The following COL11A1 variants were observed in gnomAD, a reference collection of about 807,000 sequenced individuals.
COL11A1 encodes collagen type XI alpha 1 chain.
A neutral mutation model predicts 265.2 loss-of-function variants in COL11A1; 74 were observed. The ratio of observed to expected loss-of-function variants is 0.28; its 90% CI spans 0.23 to 0.34. The LOEUF (loss-of-function observed/expected upper bound fraction) is 0.34, where lower values mean the gene tolerates loss of function less well. COL11A1 is among the 10% of genes least tolerant of loss of function. The pLI, the probability that COL11A1 is intolerant of heterozygous loss-of-function variation, is 1.00. For synonymous variants in COL11A1, 816 were observed against 727.6 expected (o/e 1.12, Z -1.96); for missense variants, 2,165 against 2,263.6 (o/e 0.96, Z 0.88).
rs547618328 is a variant in COL11A1, at chr1:103,057,251, T to C, written c.651+17367A>G. ...CTCTTCACCAGAAGTAGATTCCATCTCAGAAAAAAACACTTTATTTCCTTA... is the reference window on the plus strand; with the variant it reads ...CTCTTCACCAGAAGTAGATTCCATCCCAGAAAAAAACACTTTATTTCCTTA... On this transcript the variant is annotated intron_variant, in intron 4 of 66. Transcript: ENST00000370096. 2.0e-5 allele frequency among the ~76,000 whole-genome samples: 3 copies of C among 152,264 alleles called. No homozygotes were observed. The East Asian group carries it at 5.8e-4, about 29-fold the overall frequency.
chr1:102,992,072 C>CT (rs1664194091), intron 28 of COL11A1, among the ~76,000 whole-genome samples: 1 of 152,006 alleles, frequency 6.6e-6, no homozygotes, highest in East Asian at 1.9e-4. Context: ...TAGACTCTGA[C>CT]TATAGACAGA....
chr1:102,980,852 C>T (rs1034195384), intron 31 of COL11A1, among the ~76,000 whole-genome samples: 7 of 152,032 alleles, frequency 4.6e-5, no homozygotes, highest in African/African-American at 1.2e-4. Context: ...ACCAACCTCT[C>T]GGGGTCACAT....
chr1:102,955,758 T>C (rs1358322479), intron 41 of COL11A1, among the ~76,000 whole-genome samples: 1 of 152,192 alleles, frequency 6.6e-6, no homozygotes, highest in Non-Finnish European at 1.5e-5. Flanking sequence ...TATTTACATA[T>C]ATCTGTTTAC....
rs769598736 is a variant in COL11A1 at position 103,001,934 on chromosome 1, A to G, written c.2133T>C (p.Pro711=). 3 of 1,613,484 alleles carry G rather than the reference A, an allele frequency of 1.9e-6. No individual in the cohort carries two copies. Among genetic ancestry groups the G allele is most frequent in the Non-Finnish European group, 2.5e-6 (3 of 1,179,456 alleles). ...LPGPQGPIGP[P]GEKGPQGKPG... ...CAACAGAGTAACTTACTTTTTCACCAGGAGGACCAATTGGACCTTGTGGAC... is the reference window on the plus strand; with the variant it reads ...CAACAGAGTAACTTACTTTTTCACCGGGAGGACCAATTGGACCTTGTGGAC... The change falls in exon 24 of 67, where the codon CCT becomes CCC. Residue 711 remains proline (P), a synonymous_variant. Transcript: ENST00000370096.
intron 41 of COL11A1, among the ~76,000 whole-genome samples, chr1:102,958,297 A>G (rs946054633): frequency 1.3e-5 from 2 of 152,056 alleles, no homozygotes; most frequent in African/African-American, 2.4e-5. Flanking sequence ...GTTACCTTTT[A>G]AAGAAATCCC....
At chr1:102,929,792 T>A (rs939037046) in intron 46 of COL11A1, among the ~76,000 whole-genome samples, 10 of 152,166 alleles carry the variant, frequency 6.6e-5, no homozygotes, top group Non-Finnish European at 1.3e-4. Flanking sequence ...TATTTCTCCT[T>A]GAAGAGGACC....
chr1:102,915,066 G>A (rs747304308), intron 50 of COL11A1, among the ~76,000 whole-genome samples: 7 of 151,922 alleles, frequency 4.6e-5, no homozygotes, highest in African/African-American at 1.4e-4. Flanking sequence ...CACCAGGCCC[G>A]GCTAATTTTT....
chr1:103,007,021 T>C (rs912307933), intron 15 of COL11A1, among the ~76,000 whole-genome samples: 1 of 152,096 alleles, frequency 6.6e-6, no homozygotes, highest in Non-Finnish European at 1.5e-5. Context: ...TGTTCTTTAC[T>C]AGATATTTCT....
intron 1 of COL11A1, among the ~76,000 whole-genome samples, chr1:103,091,084 A>G (rs1673280229): frequency 6.6e-6 from 1 of 152,046 alleles, no homozygotes; most frequent in Admixed American, 6.6e-5. Context: ...ACATTAATAC[A>G]CTGATATCAT....
At chr1:102,962,474 G>C (rs1661011658) in intron 39 of COL11A1, among the ~76,000 whole-genome samples, 179 bp downstream of exon 39, 1 of 152,120 alleles carries the variant, frequency 6.6e-6, no homozygotes, top group Non-Finnish European at 1.5e-5. Context: ...ATGGTCAACG[G>C]AGCTAACGGT....
At chr1:103,019,660 C>A (rs140959016) in intron 9 of COL11A1, among the ~76,000 whole-genome samples, 1,858 of 151,578 alleles carry the variant, frequency 0.012, 33 homozygotes, top group African/African-American at 0.042. Context: ...CATATGTATA[C>A]ATGTGCCATG....
chr1:102,954,255 A>C (rs771381259), intron 41 of COL11A1, among the ~76,000 whole-genome samples: 4 of 152,216 alleles, frequency 2.6e-5, no homozygotes, highest in Non-Finnish European at 5.9e-5. Context: ...ATAATGAAAC[A>C]AGAAGCAATA....
At chr1:102,924,053 CA>C (rs577410207) in intron 46 of COL11A1, among the ~76,000 whole-genome samples, 22,880 of 106,708 alleles carry the variant, frequency 0.21, 1,887 homozygotes, top group South Asian at 0.34. Flanking sequence ...ACTAAAAATA[CA>C]AAAAAAAAAA....
At chr1:103,028,069 G>A (rs1469963013) in intron 5 of COL11A1, among the ~76,000 whole-genome samples, 1 of 151,934 alleles carries the variant, frequency 6.6e-6, no homozygotes, top group African/African-American at 2.4e-5. Flanking sequence ...GCGCTCTGTC[G>A]CCCAGGCTGG....
Position 102,965,510 on chromosome 1 carries a change from G to C in COL11A1, c.2893C>G (p.Pro965Ala), listed in dbSNP as rs1470107899. 3 of 1,613,500 alleles carry C rather than the reference G, an allele frequency of 1.9e-6. No individual in the cohort carries two copies. The highest frequency in any genetic ancestry group is 3.3e-5 in the Admixed American group (2 of 59,990). ...ACCTGTGGTCCAACCACTCCCCCTG[G>C]CCCAGGAGGGCCGGTCTTGCCTTGA... ...GFQGKTGPPG[P>A]GGVVGPQGPT... Residue 965 changes from proline (P) to alanine (A), a missense_variant, in exon 38 of 67, where the codon CCA becomes GCA. Pro to Ala is a conservative substitution (Grantham distance 27). Coordinates refer to ENST00000370096, the MANE Select transcript of COL11A1 (RefSeq NM_001854.4).
chr1:103,008,524 G>T lies in COL11A1; in HGVS notation c.1630-8C>A. On this transcript the variant is annotated splice_region_variant and splice_polypyrimidine_tract_variant and intron_variant, in intron 14 of 66. Coordinates refer to ENST00000370096, the MANE Select transcript of COL11A1 (RefSeq NM_001854.4). The stretch of plus-strand genomic sequence containing the variant: ...AGATGAACCAGGCCCCCCCTATAGA[G>T]AAAAAGTGAAGATATTTCACTTAAT... 6.2e-7 allele frequency: 1 copy of T among 1,612,876 alleles called. No individual in the cohort carries two copies. The highest frequency in any genetic ancestry group is 8.5e-7 in the Non-Finnish European group (1 of 1,179,102).
In COL11A1 at chr1:102,962,158, T is replaced by C. The variant is rs751738173; in HGVS notation, c.3114+18A>G. 1.3e-6 allele frequency: 2 copies of C among 1,579,024 alleles called. No homozygotes were observed. Among genetic ancestry groups the C allele is most frequent in the Non-Finnish European group, 1.7e-6 (2 of 1,148,324 alleles). The stretch of plus-strand genomic sequence containing the variant: ...CAATTGGAATCACTTGCTTTATCTA[T>C]ATAGATATTGATTATACCTGAGCTC... On this transcript the variant is annotated intron_variant, in intron 40 of 66. Coordinates refer to ENST00000370096, the MANE Select transcript of COL11A1 (RefSeq NM_001854.4).
At chr1:103,057,971 C>A (rs1431021654) in intron 4 of COL11A1, among the ~76,000 whole-genome samples, 5 of 152,126 alleles carry the variant, frequency 3.3e-5, no homozygotes, top group Admixed American at 1.3e-4. Flanking sequence ...TTGAAGCTGT[C>A]CTTTGAAGCT....
chr1:103,003,651 C>A (rs1665338131), intron 20 of COL11A1, among the ~76,000 whole-genome samples: 1 of 152,044 alleles, frequency 6.6e-6, no homozygotes, highest in East Asian at 1.9e-4. Flanking sequence ...AGTCTTGATT[C>A]TCATTTATTG....
Sources: allele counts gnomAD v4.1 joint callset (sites outside exome capture counted in the v4.1 genomes callset), GRCh38; gene constraint gnomAD v4.1.1; transcripts MANE v1.5; gene names NCBI Gene and HGNC (gene_info 2026-07-23, HGNC 2026-07-21).